CASK: variants seen among roughly 807,000 people sequenced by gnomAD.
CASK encodes calcium/calmodulin dependent serine protein kinase, also known as peripheral plasma membrane protein CASK.
CASK carries 4 observed loss-of-function variants against 82.9 expected under a neutral mutation model. The observed-to-expected ratio is 0.05, with a 90% CI of 0.02 to 0.11. The LOEUF is 0.11. CASK is among the 10% of genes least tolerant of loss of function. CASK has a pLI of 1.00. For synonymous variants in CASK, 259 were observed against 253.5 expected (o/e 1.02, Z -0.20); for missense variants, 358 against 720.9 (o/e 0.50, Z 5.76).
intron 3 of CASK, among the ~76,000 whole-genome samples, chrX:41,786,464 C>A (rs1227008750): frequency 9.3e-6 from 1 of 107,036 alleles, no homozygotes; most frequent in Non-Finnish European, 1.9e-5. Context: ...GAACTCCTGG[C>A]CTCAATCAAT....
At chrX:41,733,628 A>T (rs2068445573) in intron 5 of CASK, among the ~76,000 whole-genome samples, 1 of 109,411 alleles carries the variant, frequency 9.1e-6, no homozygotes, top group Admixed American at 9.8e-5. Flanking sequence ...GGGCACCTGT[A>T]GTCCCAGCTA....
At chrX:41,588,013 A>AG (rs974059555) in intron 13 of CASK, 1 of 111,733 alleles carries the variant, frequency 8.9e-6, no homozygotes, top group African/African-American at 3.3e-5. Flanking sequence ...CTGGGGCAGG[A>AG]GGGGGATGTT....
chrX:41,825,030 C>T (rs1458628700), intron 2 of CASK, among the ~76,000 whole-genome samples: 1 of 111,770 alleles, frequency 8.9e-6, no homozygotes, highest in Non-Finnish European at 1.9e-5. Context: ...AGGGTGACTA[C>T]AGCAGATAAT....
chrX:41,893,424 A>G (rs1258551132), intron 1 of CASK, among the ~76,000 whole-genome samples: 3 of 112,420 alleles, frequency 2.7e-5, no homozygotes, highest in African/African-American at 9.7e-5. Context: ...TGTAAAAGGT[A>G]GATGTGGGGA....
chrX:41,702,207 G>C (rs1447340567), intron 5 of CASK, among the ~76,000 whole-genome samples: 1 of 110,062 alleles, frequency 9.1e-6, no homozygotes, highest in Non-Finnish European at 1.9e-5. Flanking sequence ...CCAACATGGA[G>C]AAACCCCGTC....
chrX:41,767,226 T>C (rs2069134347), intron 3 of CASK, among the ~76,000 whole-genome samples: 1 of 111,960 alleles, frequency 8.9e-6, no homozygotes, highest in African/African-American at 3.2e-5. Context: ...TTCAACCAAA[T>C]GCAGATAAAA....
intron 2 of CASK, among the ~76,000 whole-genome samples, chrX:41,835,675 T>C (rs774028929): frequency 1.5e-3 from 172 of 112,331 alleles, no homozygotes; most frequent in Middle Eastern, 4.6e-3. Context: ...CCTAGAATTA[T>C]ATTGAACAAG....
At chrX:41,568,890 C>T (rs746983720) in intron 16 of CASK, among the ~76,000 whole-genome samples, 1 of 111,222 alleles carries the variant, frequency 9.0e-6, no homozygotes, top group South Asian at 3.8e-4. Context: ...CCCAGCTACT[C>T]AGGAGGCTGA....
chrX:41,823,829 T>C (rs916273990), intron 2 of CASK, among the ~76,000 whole-genome samples: 1 of 111,227 alleles, frequency 9.0e-6, no homozygotes, highest in African/African-American at 3.3e-5. Context: ...CCAAAAATGG[T>C]TCCTCATGAT....
intron 1 of CASK, among the ~76,000 whole-genome samples, chrX:41,860,460 T>A (rs536073503): frequency 8.9e-6 from 1 of 112,392 alleles, no homozygotes; most frequent in Middle Eastern, 4.6e-3. Context: ...TGTTCCCTAT[T>A]TCAACACTAT....
chrX:41,667,951 A>G (rs1437457263), intron 6 of CASK, among the ~76,000 whole-genome samples: 1 of 111,821 alleles, frequency 8.9e-6, no homozygotes, highest in East Asian at 2.8e-4. Context: ...GTGTCTGCTC[A>G]GTATATATCA....
chrX:41,702,792 CAAAACAAAAACA>C (rs923649180), intron 5 of CASK, among the ~76,000 whole-genome samples: 10 of 111,878 alleles, frequency 8.9e-5, no homozygotes, highest in African/African-American at 2.9e-4. Flanking sequence ...GACTCTGTCT[CAAAACAAAAACA>C]AAAACAAAAA....
chrX:41,765,364 T>C (rs1390882882), intron 3 of CASK, among the ~76,000 whole-genome samples: 3 of 112,372 alleles, frequency 2.7e-5, no homozygotes, highest in Non-Finnish European at 5.6e-5. Flanking sequence ...CCTCAGACAG[T>C]GCTGGTGGCG....
At chrX:41,587,793 T>C (rs954696077) in intron 13 of CASK, 1 of 112,486 alleles carries the variant, frequency 8.9e-6, no homozygotes, top group African/African-American at 3.2e-5. Flanking sequence ...CATGAACCCA[T>C]GAAAAAGCCT....
intron 14 of CASK, among the ~76,000 whole-genome samples, chrX:41,581,758 A>C (rs1312899806): frequency 3.7e-5 from 4 of 109,276 alleles, no homozygotes; most frequent in Admixed American, 9.9e-5. Flanking sequence ...ATATATATAT[A>C]TCTCAGAATT....
chrX:41,921,006 A>G (rs2072770890), intron 1 of CASK, among the ~76,000 whole-genome samples: 1 of 112,164 alleles, frequency 8.9e-6, no homozygotes, highest in African/African-American at 3.2e-5. Context: ...GAATGAGGAA[A>G]CCAAGGAGAT....
In CASK at chrX:41,916,664, C is replaced by T. The variant is rs775340235; in HGVS notation, c.59+6266G>A. Among the ~76,000 whole-genome samples the T allele has an allele frequency of 3.3e-3, 365 of 111,988 alleles. 1 individual carries two copies. The highest frequency in any genetic ancestry group is 9.2e-3 in the Middle Eastern group (2 of 217). On this transcript the variant is annotated intron_variant, in intron 1 of 26. Transcript: ENST00000378163. ...GACTCAGCGGCTGCAGCTCACTACA[C>T]GGTTTTCAGAATCAGAGAGAACAAT...
chrX:41,658,544 G>A (rs1267079991), intron 8 of CASK, among the ~76,000 whole-genome samples: 2 of 112,093 alleles, frequency 1.8e-5, no homozygotes, highest in African/African-American at 6.5e-5. Context: ...TTGCTGTGTG[G>A]TGTGAGAGCA....
intron 5 of CASK, among the ~76,000 whole-genome samples, chrX:41,693,702 A>T (rs1602478446): frequency 8.9e-6 from 1 of 111,787 alleles, no homozygotes; most frequent in Admixed American, 9.5e-5. Flanking sequence ...ACTTTCTGAA[A>T]TTTGTCTTCC....
Sources: allele counts gnomAD v4.1 joint callset (sites outside exome capture counted in the v4.1 genomes callset), GRCh38; gene constraint gnomAD v4.1.1; transcripts MANE v1.5; gene names NCBI Gene and HGNC (gene_info 2026-07-23, HGNC 2026-07-21).